The following RARS1 variants were observed in gnomAD, a reference collection of about 807,000 sequenced individuals.
The protein encoded by RARS1 is arginyl-tRNA synthetase 1.
A neutral mutation model predicts 78.7 loss-of-function variants in RARS1; 75 were observed. That is an observed-to-expected ratio of 0.95 (90% confidence interval 0.79 to 1.15). The LOEUF (loss-of-function observed/expected upper bound fraction) is 1.15. RARS1 is among the 50% of genes most tolerant of loss of function. The pLI is 0.00. For missense variants in RARS1, 787 were observed against 787.5 expected (o/e 1.00, Z 0.01); for synonymous variants, 273 against 268.2 (o/e 1.02, Z -0.18).
chr5:168,514,488 C>A (rs1758625793), intron 12 of RARS1, among the ~76,000 whole-genome samples: 1 of 151,802 alleles, frequency 6.6e-6, no homozygotes, highest in South Asian at 2.1e-4. Flanking sequence ...TCTTTTCTTC[C>A]AGTTTTCTTA....
rs1057522097 is a variant in RARS1, at chr5:168,517,810, T to C, written c.1626-5T>C. The C allele has an allele frequency of 6.3e-7, 1 of 1,599,256 alleles. No individual in the cohort carries two copies. The highest frequency in any genetic ancestry group is 1.7e-5 in the Admixed American group (1 of 57,744). ...TTGCCTGATGATTTTTTTGTTTTTT[T>C]TAAGGTCTATTGCACGTCTGGCCAA... On this transcript the variant is annotated splice_region_variant and splice_polypyrimidine_tract_variant and intron_variant, in intron 13 of 14. Coordinates refer to ENST00000231572, the MANE Select transcript of RARS1 (RefSeq NM_002887.4).
intron 7 of RARS1, among the ~76,000 whole-genome samples, chr5:168,500,045 G>A (rs1047692754): frequency 2.6e-5 from 4 of 151,844 alleles, no homozygotes; most frequent in Non-Finnish European, 5.9e-5. Context: ...AAAATTAGGC[G>A]GGTGTGATGG....
At chr5:168,508,080 C>T (rs1341086891) in intron 11 of RARS1, among the ~76,000 whole-genome samples, 2 of 152,036 alleles carry the variant, frequency 1.3e-5, no homozygotes, top group Non-Finnish European at 2.9e-5. Flanking sequence ...TGTTTATGGA[C>T]ATAAAGTTTT....
rs571325867 is a variant in RARS1 at position 168,508,833 on chromosome 5, T to C, written c.1347-1748T>C. Among the ~76,000 whole-genome samples the C allele has an allele frequency of 2.0e-5, 3 of 152,244 alleles. No individual in the cohort carries two copies. In the East Asian group the frequency reaches 5.8e-4, roughly 29 times the overall value. ...GCTGTGCATGGTGTTGGTTGGATGC[T>C]CCACAATGTGTATATGCAGGTACAC... On this transcript the variant is annotated intron_variant, in intron 11 of 14. Coordinates refer to ENST00000231572, the MANE Select transcript of RARS1 (RefSeq NM_002887.4).
At position 168,510,703 on chromosome 5, in the gene RARS1, T is replaced by C. The variant is rs370665469; in HGVS notation, c.1452+17T>C. On this transcript the variant is annotated intron_variant, in intron 12 of 14. Coordinates refer to ENST00000231572, the MANE Select transcript of RARS1 (RefSeq NM_002887.4). ...AGAGACAAGGTAATTCAAAGCCTTA[T>C]AGGCATAATGTGTATCAAGCATTGT... 1.1e-5 allele frequency: 17 copies of C among 1,540,688 alleles called. No homozygotes were observed. In the African/African-American group the frequency reaches 2.2e-4, roughly 20 times the overall value.
chr5:168,498,531 T>C (rs1758248500), intron 7 of RARS1, among the ~76,000 whole-genome samples: 1 of 152,216 alleles, frequency 6.6e-6, no homozygotes, highest in African/African-American at 2.4e-5. Context: ...ATTGCAAACT[T>C]TTGTGTTACT....
chr5:168,505,714 G>GAAAAAAAAAAAAAAAAAAAAAAAA (rs60743864), intron 9 of RARS1, among the ~76,000 whole-genome samples: 2 of 114,248 alleles, frequency 1.8e-5, no homozygotes, highest in African/African-American at 3.3e-5. Flanking sequence ...TATCAAAAAA[G>GAAAAAAAAAAAAAAAAAAAAAAAA]AAAAAAAAAA....
At chr5:168,498,177 GC>G (rs1178515390) in intron 7 of RARS1, 4 of 152,128 alleles carry the variant, frequency 2.6e-5, no homozygotes, top group East Asian at 3.9e-4. Flanking sequence ...GCTGCAGTGT[GC>G]CATGATCATG....
At chr5:168,503,680 G>C (rs1468135094) in intron 9 of RARS1, among the ~76,000 whole-genome samples, 2 of 151,866 alleles carry the variant, frequency 1.3e-5, no homozygotes, top group Non-Finnish European at 1.5e-5. Context: ...TCCTGCCTCA[G>C]ACCTGAAATC....
chr5:168,503,409 A>G (rs1758370803), intron 9 of RARS1, among the ~76,000 whole-genome samples: 1 of 152,142 alleles, frequency 6.6e-6, no homozygotes, highest in Non-Finnish European at 1.5e-5. Flanking sequence ...GAAGTGCTTG[A>G]TTTTTTTATC....
At chr5:168,505,257 A>G (rs985116571) in intron 9 of RARS1, among the ~76,000 whole-genome samples, 4 of 133,226 alleles carry the variant, frequency 3.0e-5, no homozygotes, top group Admixed American at 8.2e-5. Flanking sequence ...AGGACTTAGC[A>G]TAGTACTTGG....
intron 9 of RARS1, 152 bp from the exon 10 acceptor site, chr5:168,505,869 A>T: frequency 1.4e-6 from 1 of 718,866 alleles, no homozygotes; most frequent in Non-Finnish European, 2.1e-6. Context: ...GATCATGGTG[A>T]GGAAAAAATT....
intron 7 of RARS1, among the ~76,000 whole-genome samples, 162 bp downstream of exon 7, chr5:168,497,510 G>T (rs1293296631): frequency 1.3e-5 from 2 of 150,452 alleles, no homozygotes; most frequent in Non-Finnish European, 1.5e-5. Flanking sequence ...ACATTCTCTT[G>T]AACTTAAACT....
Position 168,500,720 on chromosome 5 carries a change from G to A in RARS1, c.952G>A (p.Glu318Lys), listed in dbSNP as rs1217311066. 1 of 1,609,208 alleles carries A rather than the reference G, an allele frequency of 6.2e-7. No individual in the cohort carries two copies. The highest frequency in any genetic ancestry group is 1.3e-5 in the African/African-American group (1 of 74,510). Reference sequence around the variant, plus strand: ...GCTTATCTGTGATGTCTCCCGCCAAGGTGAGTTTCTGGGCTTTGTTCCTTC... The same window carrying A: ...GCTTATCTGTGATGTCTCCCGCCAAAGTGAGTTTCTGGGCTTTGTTCCTTC... ...WKLICDVSRQ[E>K]LNKIYDALDV... The change falls in exon 8 of 15, where the codon GAG becomes AAG. Residue 318 changes from glutamate to lysine, a missense_variant and splice_region_variant. Transcript: ENST00000231572.
Position 168,518,081 on chromosome 5 carries a change from T to TTTTTTTTTTC in RARS1, c.1873+28_1873+29insCTTTTTTTTT. 7.0e-7 allele frequency: 1 copy of TTTTTTTTTTC among 1,421,116 alleles called. No homozygotes were observed. 88.0% of individuals were successfully genotyped at this position (1,421,116 alleles called of 1,614,324 possible). A position where few individuals can be genotyped will look rare whatever the true frequency, so the allele number is the denominator to read the frequency against. On this transcript the variant is annotated intron_variant, in intron 14 of 14. Coordinates refer to ENST00000231572, the MANE Select transcript of RARS1 (RefSeq NM_002887.4). Reference sequence around the variant, plus strand: ...CAGACTGGTGAGTGTCTTTTTTTTTTTTTTTTTTTTTTTTAGTGAGAGACA... The same window carrying TTTTTTTTTTC: ...CAGACTGGTGAGTGTCTTTTTTTTTTTTTTTTTTTCTTTTTTTTTTTTTTAGTGAGAGACA...
At chr5:168,511,791 T>A (rs924033875) in intron 12 of RARS1, among the ~76,000 whole-genome samples, 1 of 152,198 alleles carries the variant, frequency 6.6e-6, no homozygotes, top group Non-Finnish European at 1.5e-5. Flanking sequence ...CACTTTTGCT[T>A]ATTCTGGCAT....
rs2305737 is a variant in RARS1, at chr5:168,519,256, C to A, written c.*66C>A. On this transcript the variant is annotated 3_prime_UTR_variant, in exon 15 of 15. Transcript: ENST00000231572. The stretch of plus-strand genomic sequence containing the variant: ...GCCATTGGCACTGTTTGCTTTTTTA[C>A]AATCATGTGGACACAAGCATAAGTA... The A allele has an allele frequency of 0.029, 36,444 of 1,253,058 alleles. 2,446 individuals are homozygous for A. The highest frequency in any genetic ancestry group is 0.24 in the Admixed American group (12,455 of 51,386). 77.6% of individuals were successfully genotyped at this position (1,253,058 alleles called of 1,614,324 possible).
Position 168,506,051 on chromosome 5 carries a change from T to C in RARS1, c.1088T>C (p.Ile363Thr), listed in dbSNP as rs1229413411. 5 of 1,605,300 alleles carry C rather than the reference T, an allele frequency of 3.1e-6. No homozygotes were observed. The highest frequency in any genetic ancestry group is 1.3e-5 in the African/African-American group (1 of 74,538). The change falls in exon 10 of 15, where the codon ATT becomes ACT. Residue 363 changes from isoleucine (I) to threonine (T), a missense_variant. Coordinates refer to ENST00000231572, the MANE Select transcript of RARS1 (RefSeq NM_002887.4). ...GFVQVDDGRK[I>T]VFVPGCSIPL... ...GTGCAGGTGGATGATGGCAGAAAGA[T>C]TGTATTTGTCCCAGGGTGTTCCATA...
chr5:168,513,228 T>G (rs1371093834), intron 12 of RARS1, among the ~76,000 whole-genome samples: 1 of 150,094 alleles, frequency 6.7e-6, no homozygotes, highest in Non-Finnish European at 1.5e-5. Flanking sequence ...TGTATTTTTT[T>G]TTTTTTTTTT....
Sources: allele counts gnomAD v4.1 joint callset (sites outside exome capture counted in the v4.1 genomes callset), GRCh38; gene constraint gnomAD v4.1.1; transcripts MANE v1.5; gene names NCBI Gene and HGNC (gene_info 2026-07-23, HGNC 2026-07-21).